TMEM45A: variants seen among roughly 807,000 people sequenced by gnomAD.
The protein encoded by TMEM45A is DNA polymerase-transactivated protein 4.
In TMEM45A, 25 loss-of-function variants were observed where a neutral mutation model predicts 32.0. The observed-to-expected ratio is 0.78, with a 90% CI of 0.57 to 1.09. The LOEUF is 1.09. Ranked by LOEUF, TMEM45A falls within the 50% of genes least tolerant of loss-of-function variation. The pLI is 0.00. For missense variants in TMEM45A, 302 were observed against 325.0 expected, an observed-to-expected ratio of 0.93 and a Z score of 0.54; for synonymous variants, 122 against 114.8, an observed-to-expected ratio of 1.06 and a Z score of -0.40.
intron 1 of TMEM45A, among the ~76,000 whole-genome samples, chr3:100,497,163 T>C (rs1406338574): frequency 6.6e-6 from 1 of 152,212 alleles, no homozygotes; most frequent in Non-Finnish European, 1.5e-5. Context: ...CTCTTTTCAG[T>C]ATGGCATAGT....
intron 4 of TMEM45A, among the ~76,000 whole-genome samples, chr3:100,559,888 T>C (rs1340473228): frequency 1.3e-5 from 2 of 152,200 alleles, no homozygotes; most frequent in East Asian, 3.9e-4. Flanking sequence ...AAACACTAAC[T>C]GCAATGAAGC....
intron 3 of TMEM45A, among the ~76,000 whole-genome samples, chr3:100,557,702 AG>A (rs1342871744): frequency 1.3e-5 from 2 of 152,218 alleles, no homozygotes; most frequent in African/African-American, 2.4e-5. Context: ...CTCGGGAACA[AG>A]GGCTGGATAA....
intron 1 of TMEM45A, among the ~76,000 whole-genome samples, chr3:100,502,131 A>AT (rs1211304046): frequency 6.6e-6 from 1 of 152,122 alleles, no homozygotes; most frequent in African/African-American, 2.4e-5. Flanking sequence ...ATAGACCTAC[A>AT]TTTTATATAA....
chr3:100,528,672 A>G (rs1212288192), intron 1 of TMEM45A, among the ~76,000 whole-genome samples: 1 of 152,190 alleles, frequency 6.6e-6, no homozygotes, highest in African/African-American at 2.4e-5. Context: ...TTAGCTGCTC[A>G]GCTCTCTTTT....
chr3:100,566,769 A>T (rs1288639188), intron 4 of TMEM45A, among the ~76,000 whole-genome samples: 1 of 152,064 alleles, frequency 6.6e-6, no homozygotes, highest in African/African-American at 2.4e-5. Context: ...TAATCTTTTC[A>T]TGTGCTTATT....
intron 1 of TMEM45A, among the ~76,000 whole-genome samples, chr3:100,538,814 A>G (rs1705792494): frequency 6.6e-6 from 1 of 152,150 alleles, no homozygotes; most frequent in South Asian, 2.1e-4. Flanking sequence ...CCAACAATGA[A>G]CAACTGGAAT....
intron 4 of TMEM45A, 55 bp from the exon 5 acceptor site, chr3:100,568,767 A>G: frequency 6.6e-7 from 1 of 1,514,674 alleles, no homozygotes; most frequent in East Asian, 2.3e-5. Flanking sequence ...GAAATGTACC[A>G]TTTTTGGGAA....
intron 1 of TMEM45A, among the ~76,000 whole-genome samples, chr3:100,498,732 G>A (rs549652744): frequency 6.6e-6 from 1 of 152,140 alleles, no homozygotes; most frequent in Non-Finnish European, 1.5e-5. Flanking sequence ...TATTTTGGGT[G>A]TATAACCAGA....
At chr3:100,569,240 T>C (rs1350533731) in intron 5 of TMEM45A, among the ~76,000 whole-genome samples, 5 of 152,220 alleles carry the variant, frequency 3.3e-5, no homozygotes, top group Non-Finnish European at 1.5e-5. Flanking sequence ...TGTCTCCACA[T>C]ATGCTATTTC....
At chr3:100,500,579 G>T (rs1707996134) in intron 1 of TMEM45A, among the ~76,000 whole-genome samples, 1 of 152,148 alleles carries the variant, frequency 6.6e-6, no homozygotes, top group African/African-American at 2.4e-5. Context: ...CCCTGCCAAG[G>T]ACTCTCACAT....
At chr3:100,567,794 CT>C (rs986284430) in intron 4 of TMEM45A, among the ~76,000 whole-genome samples, 1 of 151,416 alleles carries the variant, frequency 6.6e-6, no homozygotes, top group Non-Finnish European at 1.5e-5. Context: ...TTTTCTTTTT[CT>C]TTTTTTTGAG....
chr3:100,496,324 T>C (rs1444888585), intron 1 of TMEM45A, among the ~76,000 whole-genome samples: 1 of 152,258 alleles, frequency 6.6e-6, no homozygotes, highest in Non-Finnish European at 1.5e-5. Context: ...GGTCATGTCC[T>C]CCTCACATCC....
intron 1 of TMEM45A, among the ~76,000 whole-genome samples, chr3:100,542,858 A>G (rs1285068210): frequency 6.6e-6 from 1 of 152,160 alleles, no homozygotes; most frequent in Non-Finnish European, 1.5e-5. Context: ...CATACAGATG[A>G]CAATAATAGG....
chr3:100,546,544 A>G (rs1049380639), intron 1 of TMEM45A, among the ~76,000 whole-genome samples: 1 of 152,230 alleles, frequency 6.6e-6, no homozygotes, highest in African/African-American at 2.4e-5. Context: ...GCTTATCACT[A>G]GCATCTAGAC....
At chr3:100,510,454 C>G in intron 1 of TMEM45A, among the ~76,000 whole-genome samples, 1 of 152,138 alleles carries the variant, frequency 6.6e-6, no homozygotes, top group East Asian at 1.9e-4. Flanking sequence ...ACATCCACAC[C>G]AAAAACCCAT....
intron 1 of TMEM45A, among the ~76,000 whole-genome samples, chr3:100,548,486 A>G (rs562771287): frequency 3.3e-5 from 5 of 152,208 alleles, no homozygotes; most frequent in South Asian, 4.1e-4. Flanking sequence ...GATTTCACCT[A>G]ACTGCTTTCC....
chr3:100,551,094 AGCTCCGCCTCCCGGGTTCAC>A lies in TMEM45A; in HGVS notation c.-3-4112_-3-4093del, dbSNP rs1462496684. Among the ~76,000 whole-genome samples the A allele has an allele frequency of 3.3e-5, 5 of 150,068 alleles. No individual in the cohort carries two copies. The East Asian group carries it at 9.8e-4, about 29-fold the overall frequency. On this transcript the variant is annotated intron_variant, in intron 1 of 5. Coordinates refer to ENST00000323523, the MANE Select transcript of TMEM45A (RefSeq NM_018004.3). ...AGTGGCGGGATCTCGGCTGACTGCAAGCTCCGCCTCCCGGGTTCACGCCATTCTCCTGCCTCAGCCTCCCT... is the reference window on the plus strand; with the variant it reads ...AGTGGCGGGATCTCGGCTGACTGCAAGCCATTCTCCTGCCTCAGCCTCCCT...
intron 1 of TMEM45A, among the ~76,000 whole-genome samples, chr3:100,521,637 G>A (rs1194024087): frequency 1.3e-5 from 2 of 152,176 alleles, no homozygotes; most frequent in East Asian, 1.9e-4. Context: ...CAGCACGTAC[G>A]CACACACCCT....
intron 1 of TMEM45A, among the ~76,000 whole-genome samples, chr3:100,498,501 C>T (rs1005765428): frequency 3.9e-5 from 6 of 152,174 alleles, no homozygotes; most frequent in African/African-American, 1.4e-4. Context: ...TGCTAGCCTA[C>T]CCTGTAGGTT....
Sources: gnomAD v4.1 joint callset for allele counts (sites outside exome capture counted in the v4.1 genomes callset) on GRCh38, gnomAD v4.1.1 for gene constraint, MANE v1.5 for transcripts, NCBI Gene and HGNC (gene_info 2026-07-23, HGNC 2026-07-21) for gene names.